Variants in FBXL13 observed in about 807,000 individuals in gnomAD.
FBXL13 encodes F-box and leucine-rich repeat protein 13.
In FBXL13, 67 loss-of-function variants were observed where a neutral mutation model predicts 83.6. The observed-to-expected ratio is 0.80, with a 90% CI of 0.66 to 0.98. The LOEUF is 0.98. Ranked by LOEUF, FBXL13 falls within the 50% of genes least tolerant of loss-of-function variation. The probability of loss-of-function intolerance (pLI) is 0.00; values close to 1 mark genes in which losing one functional copy is unlikely to be tolerated. For missense variants in FBXL13, 822 were observed against 866.5 expected (o/e 0.95, Z 0.64); for synonymous variants, 272 against 299.5 (o/e 0.91, Z 0.95).
intron 16 of FBXL13, among the ~76,000 whole-genome samples, chr7:102,870,433 A>G (rs1026457322): frequency 6.6e-6 from 1 of 152,218 alleles, no homozygotes; most frequent in Non-Finnish European, 1.5e-5. Flanking sequence ...CAACATGATC[A>G]ATATTTATAA....
Position 102,918,901 on chromosome 7 carries a change from T to C in FBXL13, c.879-5686A>G, listed in dbSNP as rs557045274. On this transcript the variant is annotated intron_variant, in intron 10 of 19. Transcript: ENST00000313221. ...ATACATGTACATATATTCATATATATACACATACACACATATACACACACA... is the reference window on the plus strand; with the variant it reads ...ATACATGTACATATATTCATATATACACACATACACACATATACACACACA... 2.4e-4 allele frequency among the ~76,000 whole-genome samples: 37 copies of C among 152,340 alleles called. 1 individual carries two copies. The South Asian group carries it at 7.4e-3, about 31-fold the overall frequency.
chr7:103,047,810 T>C (rs754991599), intron 2 of FBXL13, among the ~76,000 whole-genome samples: 1 of 152,194 alleles, frequency 6.6e-6, no homozygotes, highest in African/African-American at 2.4e-5. Context: ...TTCTTCCACC[T>C]CAGCCTCCCA....
intron 14 of FBXL13, among the ~76,000 whole-genome samples, chr7:102,879,633 T>C (rs1041560964): frequency 2.6e-5 from 4 of 152,228 alleles, no homozygotes; most frequent in South Asian, 2.1e-4. Flanking sequence ...ATACACAAGC[T>C]GGGGTTTCAT....
At chr7:103,033,988 C>T (rs934413620) in intron 2 of FBXL13, among the ~76,000 whole-genome samples, 6 of 151,858 alleles carry the variant, frequency 4.0e-5, no homozygotes, top group Admixed American at 3.3e-4. Context: ...TTCTCCAAGT[C>T]CCCACCAGAG....
chr7:103,064,422 G>T (rs1188894391), intron 1 of FBXL13, among the ~76,000 whole-genome samples: 1 of 152,172 alleles, frequency 6.6e-6, no homozygotes, highest in Non-Finnish European at 1.5e-5. Flanking sequence ...TGCTACGTAG[G>T]CAACTTGTAA....
intron 17 of FBXL13, among the ~76,000 whole-genome samples, chr7:102,840,839 A>G (rs1465633030): frequency 6.6e-6 from 1 of 152,214 alleles, no homozygotes; most frequent in African/African-American, 2.4e-5. Context: ...CTGTCTACCT[A>G]TCTCATAGGC....
intron 7 of FBXL13, among the ~76,000 whole-genome samples, chr7:102,965,856 T>TA: frequency 6.6e-6 from 1 of 152,348 alleles, no homozygotes; most frequent in East Asian, 1.9e-4. Context: ...TTCCGTGTTG[T>TA]CTAAAGTCCA....
intron 16 of FBXL13, among the ~76,000 whole-genome samples, chr7:102,856,411 T>G (rs76396088): frequency 1.3e-5 from 2 of 152,336 alleles, no homozygotes; most frequent in South Asian, 2.1e-4. Flanking sequence ...TGTTTTAGTA[T>G]GCTATAGAAA....
At chr7:102,862,900 G>C (rs553311022) in intron 16 of FBXL13, among the ~76,000 whole-genome samples, 1 of 152,210 alleles carries the variant, frequency 6.6e-6, no homozygotes, top group African/African-American at 2.4e-5. Flanking sequence ...ATGTTCCCTG[G>C]AGCTTGGAAC....
At chr7:102,965,127 T>C (rs1825840444) in intron 7 of FBXL13, among the ~76,000 whole-genome samples, 1 of 152,204 alleles carries the variant, frequency 6.6e-6, no homozygotes, top group African/African-American at 2.4e-5. Context: ...GGCTCAAAGT[T>C]ATATCATTGT....
intron 6 of FBXL13, among the ~76,000 whole-genome samples, chr7:103,002,088 T>A (rs1790460749): frequency 1.3e-5 from 2 of 152,292 alleles, no homozygotes; most frequent in East Asian, 3.9e-4. Context: ...CCTTTTTTAC[T>A]GTCTTCCTTT....
At chr7:102,874,138 C>A (rs1478102876) in intron 16 of FBXL13, among the ~76,000 whole-genome samples, 1 of 152,202 alleles carries the variant, frequency 6.6e-6, no homozygotes, top group Non-Finnish European at 1.5e-5. Flanking sequence ...GGGAAATTTT[C>A]TCCCAAATGG....
At chr7:103,014,050 T>A (rs1285380727) in intron 6 of FBXL13, among the ~76,000 whole-genome samples, 1 of 152,114 alleles carries the variant, frequency 6.6e-6, no homozygotes, top group Non-Finnish European at 1.5e-5. Flanking sequence ...AATGGATAAA[T>A]TCCTGGAAAC....
At chr7:102,890,906 C>A (rs969495106) in intron 11 of FBXL13, among the ~76,000 whole-genome samples, 1 of 152,208 alleles carries the variant, frequency 6.6e-6, no homozygotes, top group Non-Finnish European at 1.5e-5. Flanking sequence ...CACAGCACTG[C>A]ATCCAATGAC....
At chr7:103,042,969 T>A (rs373589059) in intron 2 of FBXL13, among the ~76,000 whole-genome samples, 3 of 152,036 alleles carry the variant, frequency 2.0e-5, no homozygotes, top group African/African-American at 7.2e-5. Flanking sequence ...AATAGACACA[T>A]GAGATCTAAT....
At chr7:102,922,565 A>G (rs1158172630) in intron 10 of FBXL13, among the ~76,000 whole-genome samples, 1 of 152,224 alleles carries the variant, frequency 6.6e-6, no homozygotes, top group African/African-American at 2.4e-5. Context: ...ATGATAAAAC[A>G]TACCATATTC....
intron 2 of FBXL13, among the ~76,000 whole-genome samples, chr7:103,033,598 C>T (rs780407167): frequency 2.6e-5 from 4 of 151,970 alleles, no homozygotes; most frequent in African/African-American, 4.8e-5. Flanking sequence ...CTTAAGGCAG[C>T]GCGTCTGGAG....
intron 17 of FBXL13, among the ~76,000 whole-genome samples, chr7:102,840,098 A>G (rs1207152669): frequency 6.6e-6 from 1 of 152,230 alleles, no homozygotes; most frequent in Non-Finnish European, 1.5e-5. Context: ...GCATAAAAAG[A>G]AGGAAAATTG....
rs1307221833 is a variant in FBXL13, at chr7:102,954,052, T to C, written c.724+9481A>G. 2.0e-5 allele frequency among the ~76,000 whole-genome samples: 3 copies of C among 152,152 alleles called. No individual in the cohort carries two copies. In the East Asian group the frequency reaches 5.8e-4, roughly 29 times the overall value. ...GTGATTTCTGCATTTCCAACTGAGG[T>C]ACCTGGTTCATCTCACTGGGACTGG... On this transcript the variant is annotated intron_variant, in intron 8 of 19. Coordinates refer to ENST00000313221, the Ensembl canonical transcript of FBXL13.
Sources: allele counts gnomAD v4.1 joint callset (sites outside exome capture counted in the v4.1 genomes callset), GRCh38; gene constraint gnomAD v4.1.1; transcripts MANE v1.5; gene names NCBI Gene and HGNC (gene_info 2026-07-23, HGNC 2026-07-21).